Variants in ADRA1B observed in about 807,000 individuals in gnomAD.
ADRA1B encodes the protein adrenoceptor alpha 1B.
A neutral mutation model predicts 17.9 loss-of-function variants in ADRA1B; 17 were observed. The observed-to-expected ratio is 0.95, with a 90% CI of 0.65 to 1.42. The LOEUF (loss-of-function observed/expected upper bound fraction) is 1.42, where lower values mean the gene tolerates loss of function less well. Among genes scored for constraint, ADRA1B ranks in the 40% most tolerant of loss-of-function variants. The pLI, the probability that ADRA1B is intolerant of heterozygous loss-of-function variation, is 0.00. For missense variants in ADRA1B, 681 were observed against 722.1 expected, an observed-to-expected ratio of 0.94 and a Z score of 0.65; for synonymous variants, 366 against 327.6, an observed-to-expected ratio of 1.12 and a Z score of -1.27.
downstream of ADRA1B, among the ~76,000 whole-genome samples, chr5:159,977,471 G>A (rs1755990736): frequency 6.6e-6 from 1 of 152,178 alleles, no homozygotes; most frequent in Non-Finnish European, 1.5e-5. Context: ...CCCATTGGAG[G>A]GATGGGGGTG....
At chr5:159,975,638 A>C (rs1371159793), downstream of ADRA1B, among the ~76,000 whole-genome samples, 1 of 152,202 alleles carries the variant, frequency 6.6e-6, no homozygotes, top group East Asian at 1.9e-4. Flanking sequence ...AGGCGGTAGC[A>C]GCCTCCTGTT....
intron 1 of ADRA1B, among the ~76,000 whole-genome samples, chr5:159,866,484 G>A (rs1158792963): frequency 2.0e-5 from 3 of 151,774 alleles, no homozygotes. Flanking sequence ...CTACTCTGGA[G>A]GCTGAGGCAG....
intron 1 of ADRA1B, among the ~76,000 whole-genome samples, chr5:159,950,255 T>A (rs1330057242): frequency 6.6e-6 from 1 of 152,074 alleles, no homozygotes; most frequent in African/African-American, 2.4e-5. Context: ...TGATCTGCCC[T>A]TTTGGGTGAC....
At chr5:159,966,574 A>C (rs533333692) in intron 1 of ADRA1B, among the ~76,000 whole-genome samples, 2 of 152,352 alleles carry the variant, frequency 1.3e-5, no homozygotes, top group African/African-American at 4.8e-5. Flanking sequence ...TGCAAATGGA[A>C]CAAGAGGGCA....
At chr5:159,900,139 A>G (rs992712119) in intron 1 of ADRA1B, among the ~76,000 whole-genome samples, 2 of 152,206 alleles carry the variant, frequency 1.3e-5, no homozygotes, top group Non-Finnish European at 2.9e-5. Context: ...CTACAGTTAC[A>G]TTATCAAGCC....
chr5:159,870,733 T>C (rs560546134), intron 1 of ADRA1B: 1 of 152,328 alleles, frequency 6.6e-6, no homozygotes, highest in Admixed American at 6.5e-5. Flanking sequence ...GAATCAAATC[T>C]TATTCAGCAT....
At chr5:159,976,937 T>A (rs1297648235), downstream of ADRA1B, among the ~76,000 whole-genome samples, 1 of 152,164 alleles carries the variant, frequency 6.6e-6, no homozygotes, top group Non-Finnish European at 1.5e-5. Flanking sequence ...CCACTTTGTC[T>A]GTAAATTGGG....
chr5:159,906,782 C>T (rs1259723204), intron 1 of ADRA1B, among the ~76,000 whole-genome samples: 2 of 152,206 alleles, frequency 1.3e-5, no homozygotes, highest in African/African-American at 4.8e-5. Flanking sequence ...CAAACTTTCG[C>T]ACCTGGAGAT....
intron 1 of ADRA1B, among the ~76,000 whole-genome samples, chr5:159,867,498 C>T (rs868508290): frequency 5.3e-5 from 8 of 152,262 alleles, no homozygotes; most frequent in Middle Eastern, 3.4e-3. Context: ...CTCATATTTT[C>T]CTCTCCCTTT....
At position 159,917,842 on chromosome 5, in the gene ADRA1B, G is replaced by T; in HGVS notation, c.937G>T (p.Ala313Ser). ...FILCWLPFFI[A>S]LPLGSLFSTL... ...CTTGTGCTGGCTACCCTTCTTCATC[G>T]CTCTACCGCTTGGTAAGTTGGGGAC... Residue 313 changes from alanine to serine, a missense_variant, in exon 1 of 2, where the codon GCT becomes TCT. Coordinates refer to ENST00000306675, the MANE Select transcript of ADRA1B (RefSeq NM_000679.4). 1 of 1,602,578 alleles carries T rather than the reference G, an allele frequency of 6.2e-7. No individual in the cohort carries two copies. The highest frequency in any genetic ancestry group is 8.5e-7 in the Non-Finnish European group (1 of 1,175,506).
the ADRA1B span, among the ~76,000 whole-genome samples, chr5:159,979,384 G>A: frequency 6.6e-6 from 1 of 152,172 alleles, no homozygotes; most frequent in Non-Finnish European, 1.5e-5. Flanking sequence ...AGGTTGTCAT[G>A]AAGATCAGTT....
the ADRA1B span, among the ~76,000 whole-genome samples, chr5:159,987,857 G>A: frequency 1.3e-5 from 2 of 152,216 alleles, no homozygotes; most frequent in Non-Finnish European, 2.9e-5. Context: ...TTGGTGGTAA[G>A]TAGTGATCAA....
At chr5:159,982,213 A>T in the ADRA1B span, among the ~76,000 whole-genome samples, 2 of 152,264 alleles carry the variant, frequency 1.3e-5, no homozygotes, top group African/African-American at 4.8e-5. Context: ...AATGGTGATG[A>T]AAGTAACAAT....
intron 1 of ADRA1B, among the ~76,000 whole-genome samples, chr5:159,867,318 G>A (rs1753670481): frequency 6.6e-6 from 1 of 152,074 alleles, no homozygotes; most frequent in Non-Finnish European, 1.5e-5. Context: ...GTGTCCCAAG[G>A]CATAGTGCTT....
intron 1 of ADRA1B, among the ~76,000 whole-genome samples, chr5:159,921,090 C>G (rs770452761): frequency 6.6e-6 from 1 of 152,224 alleles, no homozygotes; most frequent in Middle Eastern, 3.4e-3. Context: ...TTCAGGGGCC[C>G]CATTTGTTTT....
chr5:159,955,936 C>T (rs969282213), intron 1 of ADRA1B, among the ~76,000 whole-genome samples: 10 of 152,134 alleles, frequency 6.6e-5, no homozygotes, highest in African/African-American at 2.4e-4. Flanking sequence ...CTCTCTCTCT[C>T]TCTGATTACC....
At chr5:159,956,937 A>G (rs940317505) in intron 1 of ADRA1B, among the ~76,000 whole-genome samples, 4 of 152,042 alleles carry the variant, frequency 2.6e-5, no homozygotes, top group Non-Finnish European at 5.9e-5. Flanking sequence ...CAATGGTGCA[A>G]TCTCGGCTCA....
At chr5:159,926,732 C>G (rs183414849) in intron 1 of ADRA1B, among the ~76,000 whole-genome samples, 4 of 152,000 alleles carry the variant, frequency 2.6e-5, no homozygotes, top group Admixed American at 2.6e-4. Flanking sequence ...ACTAAAAACA[C>G]AAAAATTAGC....
rs77525672 is a variant in ADRA1B, at chr5:159,904,035, G to A, written c.-255-12084G>A. Among the ~76,000 whole-genome samples the A allele has an allele frequency of 6.9e-3, 1,044 of 152,300 alleles. 11 individuals carry two copies. The highest frequency in any genetic ancestry group is 0.024 in the African/African-American group (979 of 41,554). On this transcript the variant is annotated intron_variant, in intron 1 of 2. Transcript: ENST00000641205. ...AAGCATTTGCCGAAATGTTAACAACGATGTTCTCTTGATAGTGAAATGAGA... is the reference window on the plus strand; with the variant it reads ...AAGCATTTGCCGAAATGTTAACAACAATGTTCTCTTGATAGTGAAATGAGA...
Sources: allele counts gnomAD v4.1 joint callset (sites outside exome capture counted in the v4.1 genomes callset), GRCh38; gene constraint gnomAD v4.1.1; transcripts MANE v1.5; gene names NCBI Gene and HGNC (gene_info 2026-07-23, HGNC 2026-07-21).